Variants in CHD1L observed in about 807,000 individuals in gnomAD.
CHD1L encodes ATP-dependent chromatin remodeler CHD1L.
Under a neutral mutation model 115.9 loss-of-function variants are expected in CHD1L, and 118 were observed. That is an observed-to-expected ratio of 1.02 (90% CI 0.88 to 1.19). CHD1L has a LOEUF of 1.19. CHD1L is among the 50% of genes most tolerant of loss of function. The pLI is 0.00. For missense variants in CHD1L, 1,179 were observed against 1,065.3 expected, an observed-to-expected ratio of 1.11 and a Z score of -1.49; for synonymous variants, 411 against 387.1, an observed-to-expected ratio of 1.06 and a Z score of -0.72.
At chr1:147,178,102 CA>C in the CHD1L span, 1 of 1,548,426 alleles carries the variant, frequency 6.5e-7, no homozygotes, top group Non-Finnish European at 8.7e-7. Flanking sequence ...GCCCCCACCC[CA>C]CCTCGCCGCC....
chr1:147,264,304 C>T, intron 6 of CHD1L, 118 bp from the exon 7 acceptor site: 1 of 899,192 alleles, frequency 1.1e-6, no homozygotes, highest in South Asian at 1.8e-5. Context: ...GATTTCATGT[C>T]CCCTCAGTCA....
chr1:147,212,565 T>C, the CHD1L span: 1 of 1,599,452 alleles, frequency 6.3e-7, no homozygotes, highest in East Asian at 2.2e-5. Flanking sequence ...AATTATTGGG[T>C]AATGGTTTAC....
chr1:147,291,587 T>G (rs1553970588), intron 20 of CHD1L, 35 bp downstream of exon 20: 4 of 1,550,180 alleles, frequency 2.6e-6, no homozygotes, highest in Non-Finnish European at 3.6e-6. Flanking sequence ...GAACTACAAG[T>G]GGACTCACAT....
At chr1:147,286,620 A>T in intron 18 of CHD1L, 120 bp downstream of exon 18, 1 of 865,514 alleles carries the variant, frequency 1.2e-6, no homozygotes, top group Non-Finnish European at 1.8e-6. Flanking sequence ...CAGTCAAAAA[A>T]GTGTGAATTT....
chr1:147,180,741 A>T, the CHD1L span, among the ~76,000 whole-genome samples: 1 of 152,246 alleles, frequency 6.6e-6, no homozygotes, highest in Non-Finnish European at 1.5e-5. Flanking sequence ...ATAGAGTACA[A>T]TAAAGGCCTA....
chr1:147,215,988 A>G, the CHD1L span: 19 of 1,421,770 alleles, frequency 1.3e-5, no homozygotes, highest in Non-Finnish European at 1.7e-5. Flanking sequence ...GATCATCTTC[A>G]TGTTTTATAA....
intron 6 of CHD1L, chr1:147,260,503 T>C (rs1671562824): frequency 6.6e-6 from 1 of 152,200 alleles, no homozygotes; most frequent in Non-Finnish European, 1.5e-5. Flanking sequence ...TAATATCTGG[T>C]GAATAAGAAC....
Position 147,291,517 on chromosome 1 carries a change from GATGAT to G in CHD1L, c.2358_2362del (p.Asp786GlufsTer20). 1 of 1,613,910 alleles carries G rather than the reference GATGAT, an allele frequency of 6.2e-7. No individual in the cohort carries two copies. The highest frequency in any genetic ancestry group is 8.5e-7 in the Non-Finnish European group (1 of 1,179,912). On this transcript the variant is annotated frameshift_variant, in exon 20 of 23. Coordinates refer to ENST00000369258, the MANE Select transcript of CHD1L (RefSeq NM_004284.6). LOFTEE classifies it high-confidence loss of function. ...GGGAGGTGTCCTTTTATTTCCTGTT[GATGAT>G]AAAGAATCAAGAAACAAAGGGCAAG... is the stretch of plus-strand genomic sequence containing the variant.
the CHD1L span, chr1:147,186,798 A>G: frequency 6.6e-7 from 1 of 1,503,894 alleles, no homozygotes; most frequent in Non-Finnish European, 8.8e-7. Flanking sequence ...ACATTAAAGT[A>G]GATTTCTGGG....
At chr1:147,262,390 C>G (rs1241713870) in intron 6 of CHD1L, among the ~76,000 whole-genome samples, 1 of 152,056 alleles carries the variant, frequency 6.6e-6, no homozygotes, top group African/African-American at 2.4e-5. Context: ...TTACAAAATA[C>G]TATTTACAAA....
chr1:147,179,162 A>T, the CHD1L span: 1 of 1,614,060 alleles, frequency 6.2e-7, no homozygotes. Context: ...AATGCTCTGG[A>T]GAGGTTCCTG....
chr1:147,185,041 G>A, the CHD1L span, among the ~76,000 whole-genome samples: 1 of 152,112 alleles, frequency 6.6e-6, no homozygotes, highest in South Asian at 2.1e-4. Context: ...TTTAATATAA[G>A]AACAAGATAT....
Position 147,285,401 on chromosome 1 carries a change from GAAGAA to G in CHD1L, c.1937_1941del (p.Lys646ThrfsTer22), listed in dbSNP as rs782817164. ...GTCCAGAAGAGCTGGAGGACAGACA[GAAGAA>G]AAGACAAGAAGCAGCTGCCAAGAGA... On this transcript the variant is annotated frameshift_variant, in exon 17 of 23. Transcript: ENST00000369258. LOFTEE classifies it high-confidence loss of function. 2.5e-5 allele frequency: 41 copies of G among 1,614,082 alleles called. 1 individual carries two copies. In the Admixed American group the frequency reaches 6.0e-4, roughly 24 times the overall value.
At position 147,266,036 on chromosome 1, in the gene CHD1L, A is replaced by G; in HGVS notation, c.844A>G (p.Met282Val). 1 of 1,613,826 alleles carries G rather than the reference A, an allele frequency of 6.2e-7. No individual in the cohort carries two copies. The highest frequency in any genetic ancestry group is 1.7e-5 in the Admixed American group (1 of 59,996). ...KKTEVVIYHG[M>V]SALQKKYYKA... ...GACAGAAGTAGTGATATACCATGGC[A>G]TGTCAGCATTGCAGAAGAAATACTA... The change falls in exon 8 of 23, where the codon ATG (methionine) becomes GTG (valine). Residue 282 changes from methionine to valine, a missense_variant. Coordinates refer to ENST00000369258, the MANE Select transcript of CHD1L (RefSeq NM_004284.6).
the CHD1L span, chr1:147,186,952 C>T: frequency 6.2e-7 from 1 of 1,614,126 alleles, no homozygotes; most frequent in Non-Finnish European, 8.5e-7. Flanking sequence ...CATAAACTTG[C>T]CTATTGTCAT....
At chr1:147,216,310 T>C in the CHD1L span, among the ~76,000 whole-genome samples, 15 of 152,176 alleles carry the variant, frequency 9.9e-5, no homozygotes, top group African/African-American at 3.6e-4. Context: ...ATGAAGAGAA[T>C]GTCTGGGACA....
At chr1:147,226,581 A>C in the CHD1L span, among the ~76,000 whole-genome samples, 1 of 152,206 alleles carries the variant, frequency 6.6e-6, no homozygotes, top group Non-Finnish European at 1.5e-5. Context: ...GGGTTAGAAC[A>C]AGGGCCCATC....
At chr1:147,200,602 T>TC in the CHD1L span, among the ~76,000 whole-genome samples, 1 of 151,458 alleles carries the variant, frequency 6.6e-6, no homozygotes, top group East Asian at 1.9e-4. Flanking sequence ...CCTTTTTTTT[T>TC]CATATATTCC....
intron 6 of CHD1L, among the ~76,000 whole-genome samples, chr1:147,261,891 G>GT (rs1413251488): frequency 3.3e-5 from 5 of 152,048 alleles, no homozygotes; most frequent in Admixed American, 1.3e-4. Flanking sequence ...ATTGTTTTCA[G>GT]TTTATAAAAG....
Sources: gnomAD v4.1 joint callset for allele counts (sites outside exome capture counted in the v4.1 genomes callset) on GRCh38, gnomAD v4.1.1 for gene constraint, MANE v1.5 for transcripts, NCBI Gene and HGNC (gene_info 2026-07-23, HGNC 2026-07-21) for gene names.